Variants in DPP6 observed in about 807,000 individuals in gnomAD.
DPP6 encodes A-type potassium channel modulatory protein DPP6.
Under a neutral mutation model 122.6 loss-of-function variants are expected in DPP6, and 69 were observed. The ratio of observed to expected loss-of-function variants is 0.56; its 90% CI spans 0.46 to 0.69. DPP6 has a LOEUF of 0.69. Among genes scored for constraint, DPP6 ranks in the 30% least tolerant of loss-of-function variants. DPP6 has a pLI of 0.00. For synonymous variants in DPP6, 418 were observed against 433.1 expected, an observed-to-expected ratio of 0.97 and a Z score of 0.43; for missense variants, 928 against 1,116.9, an observed-to-expected ratio of 0.83 and a Z score of 2.41.
At chr7:154,638,822 C>T (rs896758206) in intron 6 of DPP6, among the ~76,000 whole-genome samples, 2 of 152,184 alleles carry the variant, frequency 1.3e-5, no homozygotes, top group African/African-American at 2.4e-5. Flanking sequence ...TTCCCTCCTC[C>T]TTCCCTCCCC....
At chr7:153,785,473 T>C in the DPP6 span, among the ~76,000 whole-genome samples, 1 of 152,146 alleles carries the variant, frequency 6.6e-6, no homozygotes, top group Admixed American at 6.6e-5. Flanking sequence ...CTCTTACCTT[T>C]TCTATTTGTT....
intron 6 of DPP6, among the ~76,000 whole-genome samples, chr7:154,660,702 A>G (rs369055662): frequency 9.6e-4 from 82 of 85,456 alleles, no homozygotes; most frequent in African/African-American, 1.8e-3. Context: ...TCACCATGGC[A>G]TATTGGCGCT....
chr7:153,950,212 A>T (rs1203399824), intron 1 of DPP6, among the ~76,000 whole-genome samples: 2 of 151,964 alleles, frequency 1.3e-5, no homozygotes, highest in African/African-American at 4.8e-5. Flanking sequence ...TAAGAATTAA[A>T]ATTAAACACT....
intron 1 of DPP6, among the ~76,000 whole-genome samples, chr7:154,315,449 T>G (rs1807352026): frequency 6.6e-6 from 1 of 152,076 alleles, no homozygotes; most frequent in Non-Finnish European, 1.5e-5. Flanking sequence ...CCCTACAATT[T>G]TTTGAGTTCC....
At chr7:154,388,893 T>A (rs73495263) in intron 1 of DPP6, among the ~76,000 whole-genome samples, 6,885 of 152,324 alleles carry the variant, frequency 0.045, 287 homozygotes, top group East Asian at 0.11. Context: ...TTTCCATTTG[T>A]CAAAGATGTA....
intron 1 of DPP6, among the ~76,000 whole-genome samples, chr7:153,979,253 C>T (rs1284380313): frequency 6.6e-6 from 1 of 152,152 alleles, no homozygotes; most frequent in Non-Finnish European, 1.5e-5. Flanking sequence ...TTGAAGAGGT[C>T]CTTCACACCC....
intron 1 of DPP6, among the ~76,000 whole-genome samples, chr7:153,889,549 G>A (rs1799097530): frequency 6.6e-6 from 1 of 152,186 alleles, no homozygotes; most frequent in Non-Finnish European, 1.5e-5. Context: ...GCATGAAAGA[G>A]CCAAATCTTC....
intron 1 of DPP6, chr7:154,092,499 A>G (rs1204408385): frequency 6.8e-6 from 1 of 147,760 alleles, no homozygotes; most frequent in Non-Finnish European, 1.5e-5. Context: ...TGGCCTTTAC[A>G]TTTTTCAGAA....
chr7:154,668,023 G>A (rs1838273778), intron 6 of DPP6, among the ~76,000 whole-genome samples: 2 of 150,276 alleles, frequency 1.3e-5, no homozygotes, highest in Admixed American at 1.3e-4. Flanking sequence ...CGTTGCTTTT[G>A]TATTTTCTAT....
intron 1 of DPP6, among the ~76,000 whole-genome samples, chr7:154,002,543 G>T (rs1425637467): frequency 1.3e-5 from 2 of 152,148 alleles, no homozygotes; most frequent in South Asian, 4.2e-4. Context: ...CTAAACTATT[G>T]GGAAACCTGT....
intron 22 of DPP6, among the ~76,000 whole-genome samples, chr7:154,886,393 A>C (rs1393708192): frequency 2.0e-5 from 3 of 152,302 alleles, no homozygotes; most frequent in East Asian, 3.9e-4. Flanking sequence ...GAGCCCACCC[A>C]GGTGTGGGAA....
At chr7:154,607,813 C>A (rs1372766421) in intron 5 of DPP6, among the ~76,000 whole-genome samples, 1 of 118,284 alleles carries the variant, frequency 8.5e-6, no homozygotes, top group Non-Finnish European at 1.9e-5. Context: ...TGTTAATTGA[C>A]TATGTTATTA....
the DPP6 span, among the ~76,000 whole-genome samples, chr7:153,803,031 C>T: frequency 8.7e-4 from 132 of 151,144 alleles, no homozygotes; most frequent in African/African-American, 3.1e-3. Flanking sequence ...CTGTGTTCCA[C>T]GTCTGTGAGA....
chr7:154,749,986 TGA>T (rs1843290021), intron 8 of DPP6, among the ~76,000 whole-genome samples: 1 of 140,660 alleles, frequency 7.1e-6, no homozygotes, highest in Non-Finnish European at 1.6e-5. Context: ...TGAGAGAGGG[TGA>T]GAGAGCATAG....
At chr7:154,762,104 A>G (rs1281710315) in intron 8 of DPP6, among the ~76,000 whole-genome samples, 1 of 152,192 alleles carries the variant, frequency 6.6e-6, no homozygotes, top group East Asian at 1.9e-4. Context: ...CCCATGATTC[A>G]GTGGCTCCCA....
the DPP6 span, among the ~76,000 whole-genome samples, chr7:153,816,936 C>T: frequency 6.6e-6 from 1 of 152,018 alleles, no homozygotes; most frequent in East Asian, 1.9e-4. Flanking sequence ...GGCATCAAGA[C>T]CAGCGGGAGA....
chr7:154,558,723 C>T (rs1308677069), intron 4 of DPP6, among the ~76,000 whole-genome samples: 1 of 152,142 alleles, frequency 6.6e-6, no homozygotes, highest in African/African-American at 2.4e-5. Context: ...CATCTAGGTT[C>T]GTGTAGGTAC....
At chr7:154,307,860 G>A (rs931447237) in intron 1 of DPP6, among the ~76,000 whole-genome samples, 1 of 146,324 alleles carries the variant, frequency 6.8e-6, no homozygotes, top group South Asian at 2.2e-4. Flanking sequence ...AGAGGAATAT[G>A]TTTCTTTTTT....
At chr7:153,855,960 G>A in the DPP6 span, among the ~76,000 whole-genome samples, 1 of 152,104 alleles carries the variant, frequency 6.6e-6, no homozygotes, top group Non-Finnish European at 1.5e-5. Context: ...AGTGCCATAG[G>A]TGACTCAGAA....
Sources: allele counts gnomAD v4.1 joint callset (sites outside exome capture counted in the v4.1 genomes callset), GRCh38; gene constraint gnomAD v4.1.1; transcripts MANE v1.5; gene names NCBI Gene and HGNC (gene_info 2026-07-23, HGNC 2026-07-21).